Variants in CEP164 observed in about 807,000 individuals in gnomAD.
The protein encoded by CEP164 is centrosomal protein of 164 kDa.
In CEP164, 162 loss-of-function variants were observed where a neutral mutation model predicts 182.7. That is an observed-to-expected ratio of 0.89 (90% CI 0.78 to 1.01). CEP164 has a LOEUF of 1.01. Ranked by LOEUF, CEP164 falls within the 50% of genes least tolerant of loss-of-function variation. The pLI is 0.00. For missense variants in CEP164, 1,735 were observed against 1,790.4 expected (o/e 0.97, Z 0.56); for synonymous variants, 661 against 690.0 (o/e 0.96, Z 0.66).
At chr11:117,325,637 C>T (rs764027463), upstream of CEP164, among the ~76,000 whole-genome samples, 9 of 152,072 alleles carry the variant, frequency 5.9e-5, no homozygotes, top group Admixed American at 2.6e-4. Flanking sequence ...CTGCCTGCCT[C>T]GGCCTCCCAA....
chr11:117,411,775 GCT>G lies in CEP164; in HGVS notation c.4164-16_4164-15del. On this transcript the variant is annotated intron_variant, in intron 31 of 32. Coordinates refer to ENST00000278935, the MANE Select transcript of CEP164 (RefSeq NM_014956.5). The surrounding 1 kb of genome is among the most constrained non-coding windows in gnomAD (Gnocchi z 4.4). ...CGCGCCTCCTCTCTCCCCTCGCCAT[GCT>G]CTCCTCTTCCTTCCCAGTGAGCAGC... The G allele has an allele frequency of 1.2e-6, 2 of 1,613,862 alleles. No individual in the cohort carries two copies. Among genetic ancestry groups the G allele is most frequent in the Non-Finnish European group, 1.7e-6 (2 of 1,179,874 alleles).
chr11:117,407,775 C>T (rs186607520), intron 27 of CEP164, 150 bp from the exon 28 acceptor site: 78 of 561,528 alleles, frequency 1.4e-4, no homozygotes, highest in Middle Eastern at 6.2e-4. Context: ...GTAATTCTTA[C>T]GACCCTGTGA....
At chr11:117,362,610 C>A in intron 7 of CEP164, 72 bp downstream of exon 7, 11 of 1,519,290 alleles carry the variant, frequency 7.2e-6, no homozygotes, top group South Asian at 1.2e-5. Flanking sequence ...AATGTTTTTG[C>A]TGTGATAGAA....
chr11:117,409,678 A>T lies in CEP164; in HGVS notation c.3809A>T (p.Gln1270Leu). 6.2e-7 allele frequency: 1 copy of T among 1,614,002 alleles called. No individual in the cohort carries two copies. The highest frequency in any genetic ancestry group is 8.5e-7 in the Non-Finnish European group (1 of 1,179,962). The change falls in exon 30 of 33, where the codon CAG becomes CTG. Residue 1270 changes from glutamine (Q) to leucine (L), a missense_variant. Transcript: ENST00000278935. The surrounding 1 kb of genome is among the most constrained non-coding windows in gnomAD (Gnocchi z 4.4). ...CACGGGCTTAGCCACTCCCTCCGGC[A>T]GATCAGCAGCCAGCTGAGCAGTGTC... is the stretch of plus-strand genomic sequence containing the variant. ...KIHGLSHSLR[Q>L]ISSQLSSVLS... is the part of the protein sequence containing the mutation.
chr11:117,359,795 C>G (rs1472130216), intron 5 of CEP164, among the ~76,000 whole-genome samples: 1 of 152,194 alleles, frequency 6.6e-6, no homozygotes, highest in Non-Finnish European at 1.5e-5. Context: ...TTTTATAATG[C>G]TGGTGTAGCC....
At chr11:117,403,569 C>G (rs1445049644) in intron 27 of CEP164, among the ~76,000 whole-genome samples, 2 of 152,192 alleles carry the variant, frequency 1.3e-5, no homozygotes, top group Non-Finnish European at 2.9e-5. Context: ...CGACCTTTCT[C>G]TCTGGCTGCC....
At chr11:117,392,714 C>G in intron 19 of CEP164, 87 bp downstream of exon 19, 2 of 1,533,486 alleles carry the variant, frequency 1.3e-6, no homozygotes, top group Non-Finnish European at 1.8e-6. Context: ...TCAGCGGCCT[C>G]CAGTTTGCTT....
At chr11:117,396,676 A>G in intron 26 of CEP164, 65 bp downstream of exon 26, 2 of 1,266,064 alleles carry the variant, frequency 1.6e-6, no homozygotes, top group Non-Finnish European at 2.3e-6. Flanking sequence ...GAGTACCTGC[A>G]TCATAGAGCT....
At chr11:117,395,823 TCC>T in intron 24 of CEP164, 101 bp downstream of exon 24, 2 of 1,400,178 alleles carry the variant, frequency 1.4e-6, no homozygotes, top group South Asian at 1.4e-5. Context: ...AGAGGTGGAG[TCC>T]CAGCTTGGGA....
intron 4 of CEP164, among the ~76,000 whole-genome samples, chr11:117,349,326 A>G (rs2039338246): frequency 6.6e-6 from 1 of 151,996 alleles, no homozygotes; most frequent in Non-Finnish European, 1.5e-5. Context: ...TTTATCTATC[A>G]ATGGACATTT....
In CEP164 at chr11:117,388,939, T is replaced by A. The variant is rs184472039; in HGVS notation, c.1934+1527T>A. Among the ~76,000 whole-genome samples the A allele has an allele frequency of 2.1e-3, 312 of 151,816 alleles. 1 individual carries two copies. The highest frequency in any genetic ancestry group is 6.4e-3 in the African/African-American group (265 of 41,284). ...TGCCACCATGCCTGGCTAATTTTTT[T>A]TTTTTTATTTTTAGTAGAGACGGGG... On this transcript the variant is annotated intron_variant, in intron 15 of 32. Coordinates refer to ENST00000278935, the MANE Select transcript of CEP164 (RefSeq NM_014956.5).
In CEP164 at chr11:117,409,609, T is replaced by C; in HGVS notation, c.3749-9T>C. The C allele has an allele frequency of 1.3e-6, 2 of 1,599,606 alleles. No homozygotes were observed. The highest frequency in any genetic ancestry group is 1.7e-6 in the Non-Finnish European group (2 of 1,170,224). ...AGTCCCTTCCCACCATCCACCTCTT[T>C]TCTTTCAGTCGACTCAACCCCGAGT... On this transcript the variant is annotated splice_polypyrimidine_tract_variant and intron_variant, in intron 29 of 32. Coordinates refer to ENST00000278935, the MANE Select transcript of CEP164 (RefSeq NM_014956.5). This position sits in a 1 kb window ranked among gnomAD's most constrained non-coding sequence, Gnocchi z 4.4.
Position 117,387,229 on chromosome 11 carries a change from C to T in CEP164, c.1751C>T (p.Pro584Leu). Reference sequence around the variant, plus strand: ...CGATCCACAGAGCCTGTGGCTCCCCCAGAGCAGCTCTCAGAGGCTGCACTA... The same window carrying T: ...CGATCCACAGAGCCTGTGGCTCCCCTAGAGCAGCTCTCAGAGGCTGCACTA... ...EVRSTEPVAP[P>L]EQLSEAALKA... The change falls in exon 15 of 33, where the codon CCA becomes CTA. Residue 584 changes from proline to leucine, a missense_variant. Coordinates refer to ENST00000278935, the MANE Select transcript of CEP164 (RefSeq NM_014956.5). 1 of 1,614,160 alleles carries T rather than the reference C, an allele frequency of 6.2e-7. No individual in the cohort carries two copies. The highest frequency in any genetic ancestry group is 8.5e-7 in the Non-Finnish European group (1 of 1,179,996).
chr11:117,341,620 T>C (rs960572498), intron 3 of CEP164, among the ~76,000 whole-genome samples: 1 of 152,034 alleles, frequency 6.6e-6, no homozygotes, highest in African/African-American at 2.4e-5. Flanking sequence ...ATTTTTGTAT[T>C]GTGTTGGTAG....
chr11:117,384,670 C>T (rs480120), intron 14 of CEP164: 5,411 of 152,380 alleles, frequency 0.036, 166 homozygotes, highest in Middle Eastern at 0.058. Flanking sequence ...TACCTGACCA[C>T]GCAGTTTCAG....
At position 117,411,693 on chromosome 11, in the gene CEP164, A is replaced by G. The variant is rs1460449036; in HGVS notation, c.4164-102A>G. 11 of 1,504,918 alleles carry G rather than the reference A, an allele frequency of 7.3e-6. No individual in the cohort carries two copies. The highest frequency in any genetic ancestry group is 1.4e-5 in the African/African-American group (1 of 72,268). The allele number at this position is 1,504,918 out of a possible 1,614,324, so 93.2% of individuals were successfully genotyped here. On this transcript the variant is annotated intron_variant, in intron 31 of 32. Transcript: ENST00000278935. This position sits in a 1 kb window ranked among gnomAD's most constrained non-coding sequence, Gnocchi z 4.4. ...CTCGGAGAAGCTGCTCTGGTAGCTG[A>G]GAGAAAGAGGGAGGAGGTGACAGAT...
At chr11:117,351,652 C>T (rs2039638806) in intron 4 of CEP164, 138 bp from the exon 5 acceptor site, 1 of 714,838 alleles carries the variant, frequency 1.4e-6, no homozygotes. Flanking sequence ...CCCTCTCATT[C>T]CATCTTCTCC....
intron 5 of CEP164, among the ~76,000 whole-genome samples, chr11:117,361,520 C>T (rs1047246535): frequency 6.6e-6 from 1 of 152,002 alleles, no homozygotes; most frequent in Admixed American, 6.6e-5. Flanking sequence ...GATTACAGGA[C>T]TGAGCCACCG....
In CEP164 at chr11:117,392,279, C is replaced by G; in HGVS notation, c.2337C>G (p.Ser779=). ...GTGCTGAGCTGGAGCGGCTCTGCTC[C>G]TCATTGGAGGCCAAGCACCGGGAGG... ...EHSAELERLC[S]SLEAKHREVV... is the part of the protein sequence containing the mutation. Residue 779 remains serine (S), a synonymous_variant, in exon 18 of 33, where the codon TCC becomes TCG. Transcript: ENST00000278935. 2 of 1,611,744 alleles carry G rather than the reference C, an allele frequency of 1.2e-6. No homozygotes were observed. The highest frequency in any genetic ancestry group is 1.7e-6 in the Non-Finnish European group (2 of 1,179,690).
Sources: gnomAD v4.1 joint callset for allele counts (sites outside exome capture counted in the v4.1 genomes callset) on GRCh38, gnomAD v4.1.1 for gene constraint, Gnocchi (gnomAD v3.1) non-coding constraint, MANE v1.5 for transcripts, NCBI Gene and HGNC (gene_info 2026-07-23, HGNC 2026-07-21) for gene names.